The following UMAD1 variants were observed in gnomAD, a reference collection of about 807,000 sequenced individuals.
UMAD1 encodes the protein UBAP1-MVB12-associated (UMA) domain containing 1, also known as UBAP1-MVB12-associated (UMA)-domain containing protein 1.
A neutral mutation model predicts 6.1 loss-of-function variants in UMAD1; 8 were observed. The ratio of observed to expected loss-of-function variants is 1.30; its 90% CI spans 0.76 to 2.35. The LOEUF (loss-of-function observed/expected upper bound fraction) is 2.35. Among genes scored for constraint, UMAD1 ranks in the 30% most tolerant of loss-of-function variants. The pLI is 0.00. For synonymous variants in UMAD1, 56 were observed against 31.4 expected (o/e 1.78, Z -2.61); for missense variants, 130 against 78.4 (o/e 1.66, Z -2.49).
chr7:7,755,184 A>T, intron 2 of UMAD1, among the ~76,000 whole-genome samples: 1 of 152,324 alleles, frequency 6.6e-6, no homozygotes, highest in South Asian at 2.1e-4. Context: ...TTCTTTAAAA[A>T]ATCCATCAGA....
At chr7:7,802,303 C>T (rs1028268875) in intron 3 of UMAD1, among the ~76,000 whole-genome samples, 6 of 152,044 alleles carry the variant, frequency 3.9e-5, no homozygotes, top group South Asian at 4.2e-4. Flanking sequence ...GCTTGAACCC[C>T]GGAGGTGGAG....
At chr7:7,822,361 G>A (rs1404279549) in intron 3 of UMAD1, among the ~76,000 whole-genome samples, 2 of 151,924 alleles carry the variant, frequency 1.3e-5, no homozygotes, top group East Asian at 3.9e-4. Context: ...TGAAAAGGTA[G>A]TAAGTTAATC....
chr7:7,687,059 C>G (rs1780057343), intron 2 of UMAD1, among the ~76,000 whole-genome samples: 3 of 152,138 alleles, frequency 2.0e-5, no homozygotes, highest in South Asian at 2.1e-4. Flanking sequence ...TTTGAACTTC[C>G]TTTATGTGAG....
At chr7:7,829,373 A>T (rs564298082) in intron 3 of UMAD1, among the ~76,000 whole-genome samples, 32 of 152,206 alleles carry the variant, frequency 2.1e-4, no homozygotes, top group Non-Finnish European at 4.4e-4. Context: ...GAATTTATTC[A>T]TTCAGCATGT....
In UMAD1 at chr7:7,816,927, T is replaced by C. The variant is rs140198197; in HGVS notation, c.156+15184T>C. Among the ~76,000 whole-genome samples, 30 of 152,328 alleles carry C rather than the reference T, an allele frequency of 2.0e-4. 1 individual carries two copies. The East Asian group carries it at 5.6e-3, about 28-fold the overall frequency. The stretch of plus-strand genomic sequence containing the variant: ...CACAAATCTGACCATGTAGTTGCCT[T>C]ACTTGATGGCATCAGAGGCTCTTCA... On this transcript the variant is annotated intron_variant, in intron 3 of 3. Transcript: ENST00000682710.
intron 2 of UMAD1, among the ~76,000 whole-genome samples, chr7:7,748,031 G>T (rs1781605837): frequency 6.6e-6 from 1 of 151,784 alleles, no homozygotes; most frequent in South Asian, 2.1e-4. Flanking sequence ...CCGCCTCCTG[G>T]GTTCAAACGA....
intron 1 of UMAD1, among the ~76,000 whole-genome samples, chr7:7,648,145 T>C (rs1785140317): frequency 6.6e-6 from 1 of 152,220 alleles, no homozygotes; most frequent in East Asian, 1.9e-4. Context: ...GTGGCCTCCT[T>C]CTTCTTAAAG....
intron 2 of UMAD1, among the ~76,000 whole-genome samples, chr7:7,722,098 T>A (rs913838209): frequency 6.6e-6 from 1 of 151,804 alleles, no homozygotes; most frequent in Non-Finnish European, 1.5e-5. Flanking sequence ...GCAGACGGCC[T>A]ATTGTGGGTC....
At chr7:7,790,749 A>G (rs1782553364) in intron 2 of UMAD1, among the ~76,000 whole-genome samples, 1 of 152,248 alleles carries the variant, frequency 6.6e-6, no homozygotes, top group Admixed American at 6.5e-5. Context: ...GACATGTGTG[A>G]CATCTTTAAT....
chr7:7,686,285 C>T (rs1780039859), intron 2 of UMAD1, among the ~76,000 whole-genome samples: 1 of 152,236 alleles, frequency 6.6e-6, no homozygotes, highest in Non-Finnish European at 1.5e-5. Context: ...ATCAGGGCCA[C>T]TATTGGGAAG....
At chr7:7,780,589 C>G (rs1482752172) in intron 2 of UMAD1, among the ~76,000 whole-genome samples, 2 of 152,198 alleles carry the variant, frequency 1.3e-5, no homozygotes, top group Non-Finnish European at 2.9e-5. Flanking sequence ...AAAGAAATTG[C>G]AGAATCCTAG....
intron 1 of UMAD1, among the ~76,000 whole-genome samples, chr7:7,647,438 C>CA (rs1448136621): frequency 6.6e-6 from 1 of 151,916 alleles, no homozygotes; most frequent in Non-Finnish European, 1.5e-5. Context: ...GTGTGCTTGG[C>CA]AAAAAAATGT....
chr7:7,769,498 A>G lies in UMAD1; in HGVS notation c.83-32172A>G, dbSNP rs141190274. 1.6e-3 allele frequency among the ~76,000 whole-genome samples: 247 copies of G among 152,210 alleles called. 1 individual carries two copies. The highest frequency in any genetic ancestry group is 2.4e-3 in the Admixed American group (36 of 15,290). Reference sequence around the variant, plus strand: ...TTAGAGAGCCTCCCCCACTGACAGGATGGGCGTTTGCTGCATATCATATGA... The same window carrying G: ...TTAGAGAGCCTCCCCCACTGACAGGGTGGGCGTTTGCTGCATATCATATGA... On this transcript the variant is annotated intron_variant, in intron 2 of 3. Transcript: ENST00000682710.
chr7:7,730,435 G>C (rs944203835), intron 2 of UMAD1, among the ~76,000 whole-genome samples: 4 of 152,042 alleles, frequency 2.6e-5, no homozygotes, highest in African/African-American at 7.2e-5. Flanking sequence ...TGCACTCTCT[G>C]CTAGTCCTCA....
In UMAD1 at chr7:7,724,679, G is replaced by A. The variant is rs528343105; in HGVS notation, c.82+51226G>A. Reference sequence around the variant, plus strand: ...GGAGAATGACAGTGGATTATTGTAAGCTTAACCAAGTGGTGACTGCAATTG... The same window carrying A: ...GGAGAATGACAGTGGATTATTGTAAACTTAACCAAGTGGTGACTGCAATTG... On this transcript the variant is annotated intron_variant, in intron 2 of 3. Transcript: ENST00000682710. Among the ~76,000 whole-genome samples, 3 of 152,310 alleles carry A rather than the reference G, an allele frequency of 2.0e-5. No homozygotes were observed. The East Asian group carries it at 5.8e-4, about 29-fold the overall frequency.
At chr7:7,847,105 ATATATAT>A (rs1279010030) in intron 3 of UMAD1, among the ~76,000 whole-genome samples, 2 of 4,542 alleles carry the variant, frequency 4.4e-4, no homozygotes, top group Admixed American at 2.4e-3. Context: ...AAAAAAAAAA[ATATATAT>A]ATATATATAT....
At chr7:7,742,369 A>G (rs1391366853) in intron 2 of UMAD1, 5 of 595,842 alleles carry the variant, frequency 8.4e-6, no homozygotes, top group African/African-American at 5.5e-5. Flanking sequence ...TCTTCCGAGG[A>G]TATCTGGGCT....
intron 2 of UMAD1, among the ~76,000 whole-genome samples, chr7:7,706,868 A>G (rs1293040276): frequency 2.0e-5 from 3 of 152,300 alleles, no homozygotes; most frequent in Non-Finnish European, 4.4e-5. Context: ...ACTTAGATTT[A>G]AAATAAAATC....
intron 3 of UMAD1, among the ~76,000 whole-genome samples, chr7:7,863,776 G>T (rs965742591): frequency 1.3e-5 from 2 of 152,172 alleles, no homozygotes; most frequent in African/African-American, 4.8e-5. Flanking sequence ...AGATGGACTT[G>T]TGCACTCCCA....
Sources: allele counts gnomAD v4.1 joint callset (sites outside exome capture counted in the v4.1 genomes callset), GRCh38; gene constraint gnomAD v4.1.1; transcripts MANE v1.5; gene names NCBI Gene and HGNC (gene_info 2026-07-23, HGNC 2026-07-21).